The following SLC8A1 variants were observed in gnomAD, a reference collection of about 807,000 sequenced individuals.
SLC8A1 encodes the protein solute carrier family 8 member A1.
SLC8A1 carries 18 observed loss-of-function variants against 68.3 expected under a neutral mutation model. The observed-to-expected ratio is 0.26, with a 90% CI of 0.18 to 0.39. SLC8A1 has a LOEUF of 0.39. SLC8A1 is among the 10% of genes least tolerant of loss of function. The probability of loss-of-function intolerance (pLI) is 1.00; values close to 1 mark genes in which losing one functional copy is unlikely to be tolerated. For synonymous variants in SLC8A1, 475 were observed against 415.5 expected (o/e 1.14, Z -1.74); for missense variants, 985 against 1,156.7 (o/e 0.85, Z 2.15).
intron 2 of SLC8A1, among the ~76,000 whole-genome samples, chr2:40,350,694 C>G (rs1180095765): frequency 3.6e-5 from 5 of 139,138 alleles, no homozygotes; most frequent in Non-Finnish European, 1.5e-5. Context: ...ATAAGTATAT[C>G]TTTTATTGTA....
intron 2 of SLC8A1, among the ~76,000 whole-genome samples, chr2:40,368,621 T>C (rs1451253541): frequency 6.6e-6 from 1 of 152,094 alleles, no homozygotes; most frequent in African/African-American, 2.4e-5. Context: ...GTTCAAGTGG[T>C]ACAAGTGTAG....
chr2:40,440,908 T>G (rs924802811), intron 1 of SLC8A1, among the ~76,000 whole-genome samples: 1 of 151,990 alleles, frequency 6.6e-6, no homozygotes, highest in African/African-American at 2.4e-5. Flanking sequence ...TGTTCAACAT[T>G]GTATTGGAAG....
At chr2:40,426,783 A>T (rs1696969479) in intron 2 of SLC8A1, among the ~76,000 whole-genome samples, 1 of 152,088 alleles carries the variant, frequency 6.6e-6, no homozygotes, top group Non-Finnish European at 1.5e-5. Context: ...GTACACTTTT[A>T]GATGGATTAC....
intron 2 of SLC8A1, among the ~76,000 whole-genome samples, chr2:40,199,677 A>T (rs184568765): frequency 3.3e-4 from 50 of 151,932 alleles, no homozygotes; most frequent in African/African-American, 1.1e-3. Flanking sequence ...ATGTCCTCAA[A>T]ATTCCTCTCC....
At chr2:40,304,110 T>C (rs1031292349) in intron 2 of SLC8A1, among the ~76,000 whole-genome samples, 1 of 152,208 alleles carries the variant, frequency 6.6e-6, no homozygotes, top group Admixed American at 6.5e-5. Flanking sequence ...CTTTAGTATA[T>C]CTCATAAACT....
chr2:40,321,554 A>G (rs1045924697), intron 2 of SLC8A1, among the ~76,000 whole-genome samples: 1 of 152,124 alleles, frequency 6.6e-6, no homozygotes, highest in African/African-American at 2.4e-5. Flanking sequence ...ATTGACTCAC[A>G]GTTCTGCAGG....
intron 7 of SLC8A1, among the ~76,000 whole-genome samples, chr2:40,130,648 T>C (rs938922478): frequency 6.6e-6 from 1 of 152,230 alleles, no homozygotes; most frequent in Non-Finnish European, 1.5e-5. Flanking sequence ...TACTTGCCCT[T>C]TAGTAGCCTC....
At chr2:40,107,435 AAC>A (rs2034286206) in exon 8 of SLC8A1, 1 of 151,970 alleles carries the variant, frequency 6.6e-6, no homozygotes, top group African/African-American at 2.4e-5. Flanking sequence ...AGCTTTTTTC[AAC>A]ACTTTCCCAA....
intron 2 of SLC8A1, among the ~76,000 whole-genome samples, chr2:40,232,360 AAG>A (rs947988370): frequency 2.0e-5 from 3 of 151,726 alleles, no homozygotes; most frequent in African/African-American, 4.8e-5. Context: ...GTATTATTTT[AAG>A]AGAGATGGGG....
chr2:40,430,245 G>C (rs747163311), exon 2 of SLC8A1: 7 of 1,613,108 alleles, frequency 4.3e-6, no homozygotes, highest in East Asian at 2.2e-5. Flanking sequence ...CCATTGAAAA[G>C]GTGGGTGAAA....
intron 2 of SLC8A1, among the ~76,000 whole-genome samples, chr2:40,358,874 G>A (rs1673614274): frequency 6.6e-6 from 1 of 152,170 alleles, no homozygotes; most frequent in Admixed American, 6.6e-5. Context: ...CTACAAGACT[G>A]AAGGCAAAGA....
intron 2 of SLC8A1, among the ~76,000 whole-genome samples, chr2:40,423,425 T>A (rs1196484612): frequency 6.6e-6 from 1 of 152,080 alleles, no homozygotes; most frequent in African/African-American, 2.4e-5. Flanking sequence ...TCTATTTCTG[T>A]TATAATTCTT....
intron 2 of SLC8A1, among the ~76,000 whole-genome samples, chr2:40,427,166 G>A (rs1177354401): frequency 6.6e-6 from 1 of 151,938 alleles, no homozygotes; most frequent in African/African-American, 2.4e-5. Flanking sequence ...TTGTGATATT[G>A]TACTCGACAC....
intron 2 of SLC8A1, among the ~76,000 whole-genome samples, chr2:40,288,603 A>G (rs1229711626): frequency 6.6e-6 from 1 of 151,926 alleles, no homozygotes; most frequent in Non-Finnish European, 1.5e-5. Flanking sequence ...TCAGTTATGT[A>G]TACCTCTCCC....
At chr2:40,508,937 G>A (rs1042875559) in intron 1 of SLC8A1, among the ~76,000 whole-genome samples, 8 of 151,966 alleles carry the variant, frequency 5.3e-5, no homozygotes, top group Admixed American at 5.2e-4. Flanking sequence ...TACAATGTGG[G>A]CATCACCTAC....
At chr2:40,194,288 T>A (rs551915986) in intron 2 of SLC8A1, among the ~76,000 whole-genome samples, 3 of 152,142 alleles carry the variant, frequency 2.0e-5, no homozygotes, top group African/African-American at 7.2e-5. Flanking sequence ...GGTTAATGAT[T>A]TACATGGAAA....
intron 6 of SLC8A1, among the ~76,000 whole-genome samples, chr2:40,155,537 G>A (rs1029610983): frequency 2.6e-5 from 4 of 152,150 alleles, no homozygotes; most frequent in Non-Finnish European, 5.9e-5. Flanking sequence ...TAACAGACGA[G>A]ATGCTGAAAA....
chr2:40,490,042 C>T (rs778469810), intron 1 of SLC8A1, among the ~76,000 whole-genome samples: 7 of 152,066 alleles, frequency 4.6e-5, no homozygotes, highest in Middle Eastern at 3.4e-3. Flanking sequence ...TTTCCCTCTC[C>T]GATCAAAAAA....
exon 8 of SLC8A1, chr2:40,111,557 G>T (rs1216964377): frequency 6.6e-6 from 1 of 152,128 alleles, no homozygotes; most frequent in Non-Finnish European, 1.5e-5. Context: ...ATTATAGTAA[G>T]AACTAAGTCC....
Sources: gnomAD v4.1 joint callset for allele counts (sites outside exome capture counted in the v4.1 genomes callset) on GRCh38, gnomAD v4.1.1 for gene constraint, MANE v1.5 for transcripts, NCBI Gene and HGNC (gene_info 2026-07-23, HGNC 2026-07-21) for gene names.